GABBR2: variants seen among roughly 807,000 people sequenced by gnomAD.
GABBR2 encodes gamma-aminobutyric acid type B receptor subunit 2.
GABBR2 carries 23 observed loss-of-function variants against 105.6 expected under a neutral mutation model. That is an observed-to-expected ratio of 0.22 (90% CI 0.16 to 0.31). The LOEUF (loss-of-function observed/expected upper bound fraction) is 0.31, where lower values mean the gene tolerates loss of function less well. Ranked by LOEUF, GABBR2 falls within the 10% of genes least tolerant of loss-of-function variation. GABBR2 has a pLI of 1.00. For missense variants in GABBR2, 734 were observed against 1,245.5 expected, an observed-to-expected ratio of 0.59 and a Z score of 6.18; for synonymous variants, 478 against 499.7, an observed-to-expected ratio of 0.96 and a Z score of 0.58.
intron 7 of GABBR2, among the ~76,000 whole-genome samples, chr9:98,441,311 C>A (rs1474041966): frequency 6.6e-6 from 1 of 151,982 alleles, no homozygotes; most frequent in Non-Finnish European, 1.5e-5. Context: ...AATAAGCTCT[C>A]CCATAATAAA....
intron 13 of GABBR2, among the ~76,000 whole-genome samples, chr9:98,326,331 C>G (rs887323001): frequency 2.0e-5 from 3 of 152,126 alleles, no homozygotes; most frequent in Non-Finnish European, 2.9e-5. Context: ...TAATCCCATG[C>G]AAGGTAGGAC....
At chr9:98,625,457 A>C (rs1829725315) in intron 1 of GABBR2, among the ~76,000 whole-genome samples, 1 of 152,270 alleles carries the variant, frequency 6.6e-6, no homozygotes, top group Admixed American at 6.5e-5. Context: ...GACCTTGGAC[A>C]GAGAGAATGA....
intron 2 of GABBR2, among the ~76,000 whole-genome samples, chr9:98,543,275 A>C (rs1828337896): frequency 6.6e-6 from 1 of 151,950 alleles, no homozygotes; most frequent in South Asian, 2.1e-4. Flanking sequence ...TGGTGAAAAG[A>C]TGTTATCTGG....
chr9:98,464,632 A>G (rs945159244), intron 6 of GABBR2, among the ~76,000 whole-genome samples: 6 of 152,316 alleles, frequency 3.9e-5, no homozygotes, highest in Non-Finnish European at 5.9e-5. Context: ...GACAGCGACC[A>G]TCGAGAATGG....
chr9:98,342,235 GA>G, intron 13 of GABBR2, among the ~76,000 whole-genome samples: 1 of 152,048 alleles, frequency 6.6e-6, no homozygotes, highest in Non-Finnish European at 1.5e-5. Flanking sequence ...TTTTACATAT[GA>G]AGATGGCATA....
At chr9:98,398,469 G>A (rs1832333422) in intron 8 of GABBR2, among the ~76,000 whole-genome samples, 1 of 152,044 alleles carries the variant, frequency 6.6e-6, no homozygotes, top group African/African-American at 2.4e-5. Flanking sequence ...GGCTGCATGG[G>A]AGATCTCTGT....
chr9:98,636,415 G>A (rs1009851367), intron 1 of GABBR2, among the ~76,000 whole-genome samples: 8 of 151,400 alleles, frequency 5.3e-5, no homozygotes, highest in Non-Finnish European at 1.2e-4. Context: ...TGCCCTTGGA[G>A]ACAGGTCATT....
intron 1 of GABBR2, among the ~76,000 whole-genome samples, chr9:98,619,521 G>A (rs901939573): frequency 3.3e-5 from 5 of 152,170 alleles, no homozygotes; most frequent in African/African-American, 1.2e-4. Flanking sequence ...TAAACATCAA[G>A]AGACTGATAT....
intron 3 of GABBR2, among the ~76,000 whole-genome samples, chr9:98,508,161 C>T (rs556947728): frequency 1.3e-5 from 2 of 152,184 alleles, no homozygotes; most frequent in South Asian, 4.1e-4. Flanking sequence ...TGAATAGAAA[C>T]TTCTATAGGA....
chr9:98,639,169 T>C (rs1311425289), intron 1 of GABBR2, among the ~76,000 whole-genome samples: 1 of 152,150 alleles, frequency 6.6e-6, no homozygotes, highest in Non-Finnish European at 1.5e-5. Context: ...TGAAGGCCCA[T>C]GAGTGGCTAA....
intron 8 of GABBR2, among the ~76,000 whole-genome samples, chr9:98,401,030 C>T (rs922076040): frequency 5.3e-5 from 8 of 151,844 alleles, no homozygotes; most frequent in Non-Finnish European, 7.4e-5. Context: ...AGAAATTCCT[C>T]GGGGGAGAGT....
At chr9:98,387,481 A>G (rs1160394854) in intron 10 of GABBR2, among the ~76,000 whole-genome samples, 3 of 152,220 alleles carry the variant, frequency 2.0e-5, no homozygotes, top group Non-Finnish European at 4.4e-5. Context: ...TAAGGTTTGT[A>G]TGGAGTGGAC....
At chr9:98,496,311 T>G in intron 4 of GABBR2, 102 bp downstream of exon 4, 1 of 767,964 alleles carries the variant, frequency 1.3e-6, no homozygotes, top group Non-Finnish European at 2.3e-6. Flanking sequence ...GAAATGAACT[T>G]GAGACCCAGA....
intron 8 of GABBR2, among the ~76,000 whole-genome samples, chr9:98,403,293 C>CAAAA (rs546167489): frequency 1.4e-4 from 12 of 86,058 alleles, no homozygotes; most frequent in African/African-American, 2.2e-4. Context: ...GACTCCGTCT[C>CAAAA]AAAAAAAAAA....
intron 3 of GABBR2, among the ~76,000 whole-genome samples, chr9:98,537,800 G>A (rs1250874130): frequency 6.6e-6 from 1 of 152,152 alleles, no homozygotes; most frequent in South Asian, 2.1e-4. Context: ...TGTATGGTAT[G>A]TAAATTATAT....
intron 13 of GABBR2, among the ~76,000 whole-genome samples, chr9:98,314,672 A>G (rs2131366801): frequency 6.6e-6 from 1 of 152,046 alleles, no homozygotes; most frequent in South Asian, 2.1e-4. Context: ...ACCTCCACTC[A>G]CCGGGGCTCA....
At chr9:98,353,742 A>C (rs1261743805) in intron 13 of GABBR2, among the ~76,000 whole-genome samples, 1 of 152,192 alleles carries the variant, frequency 6.6e-6, no homozygotes, top group Non-Finnish European at 1.5e-5. Flanking sequence ...TCTCACCTTG[A>C]ATGGTAATCC....
chr9:98,527,620 T>C (rs1827985398), intron 3 of GABBR2, among the ~76,000 whole-genome samples: 1 of 151,902 alleles, frequency 6.6e-6, no homozygotes, highest in African/African-American at 2.4e-5. Flanking sequence ...CAATAATAAA[T>C]GTAAAATACC....
intron 15 of GABBR2, among the ~76,000 whole-genome samples, chr9:98,303,760 G>C (rs1830507075): frequency 6.6e-6 from 1 of 152,194 alleles, no homozygotes; most frequent in Admixed American, 6.5e-5. Flanking sequence ...GCTCCTTGTG[G>C]AAAAAATAAG....
Sources: allele counts gnomAD v4.1 joint callset (sites outside exome capture counted in the v4.1 genomes callset), GRCh38; gene constraint gnomAD v4.1.1; transcripts MANE v1.5; gene names NCBI Gene and HGNC (gene_info 2026-07-23, HGNC 2026-07-21).